Variants in CDC42BPA observed in about 807,000 individuals in gnomAD.
CDC42BPA encodes CDC42 binding protein kinase alpha.
CDC42BPA carries 80 observed loss-of-function variants against 223.5 expected under a neutral mutation model. That is an observed-to-expected ratio of 0.36 (90% CI 0.30 to 0.43). The LOEUF is 0.43. Among genes scored for constraint, CDC42BPA ranks in the 20% least tolerant of loss-of-function variants. The probability of loss-of-function intolerance (pLI) is 1.00; values close to 1 mark genes in which losing one functional copy is unlikely to be tolerated. For missense variants in CDC42BPA, 1,743 were observed against 2,099.9 expected (o/e 0.83, Z 3.32); for synonymous variants, 694 against 718.6 (o/e 0.97, Z 0.55).
chr1:227,133,274 C>T (rs1287133418), intron 10 of CDC42BPA, among the ~76,000 whole-genome samples: 1 of 151,616 alleles, frequency 6.6e-6, no homozygotes, highest in Admixed American at 6.6e-5. Flanking sequence ...CGCCTCTGCC[C>T]GGCCGCCCCT....
chr1:227,124,655 T>C lies in CDC42BPA; in HGVS notation c.1513+4454A>G, dbSNP rs572045704. On this transcript the variant is annotated intron_variant, in intron 11 of 36. Coordinates refer to ENST00000366766, the MANE Select transcript of CDC42BPA (RefSeq NM_001394014.1). ...GGTGATTCAGCATGGCTGGAATCAC[T>C]GGGCAAGGAAGTAGTAACAAGAGAC... is the stretch of plus-strand genomic sequence containing the variant. 4.6e-5 allele frequency among the ~76,000 whole-genome samples: 7 copies of C among 152,194 alleles called. No homozygotes were observed. The South Asian group carries it at 6.2e-4, about 14-fold the overall frequency.
At chr1:227,094,849 T>G (rs1264905376) in intron 15 of CDC42BPA, among the ~76,000 whole-genome samples, 2 of 152,194 alleles carry the variant, frequency 1.3e-5, no homozygotes, top group African/African-American at 4.8e-5. Flanking sequence ...ATAAAGGGTC[T>G]ACTGGCTCAA....
intron 21 of CDC42BPA, 82 bp from the exon 22 acceptor site, chr1:227,052,067 A>G (rs564660554): frequency 2.9e-6 from 2 of 691,828 alleles, no homozygotes; most frequent in Non-Finnish European, 4.8e-6. Context: ...TCTGTAAGGC[A>G]TGATTATGAC....
rs759701869 is a variant in CDC42BPA, at chr1:227,028,854, T to C, written c.4235A>G (p.Asn1412Ser). 13 of 1,613,788 alleles carry C rather than the reference T, an allele frequency of 8.1e-6. No individual in the cohort carries two copies. The highest frequency in any genetic ancestry group is 5.1e-6 in the Non-Finnish European group (6 of 1,179,750). Residue 1412 changes from asparagine to serine, a missense_variant, in exon 30 of 37, where the codon AAT (asparagine) becomes AGT (serine). Around this residue, in one of 6 missense-constraint regions of CDC42BPA, gnomAD observed 678 missense variants for 777.5 expected, o/e 0.87. Transcript: ENST00000366766. The stretch of plus-strand genomic sequence containing the variant: ...ATTTGAATGGAGCATACTGTATGGA[T>C]TTCCTTCTCCATTCAAGGGGTATCT... ...FLRYPLNGEG[N>S]PYSMLHSNDH...
At chr1:227,268,399 A>G (rs1685363496) in intron 1 of CDC42BPA, among the ~76,000 whole-genome samples, 1 of 151,914 alleles carries the variant, frequency 6.6e-6, no homozygotes, top group African/African-American at 2.4e-5. Flanking sequence ...TATTTTTACT[A>G]TAATTTATTA....
Position 227,285,045 on chromosome 1 carries a change from C to T in CDC42BPA, c.179-30890G>A, listed in dbSNP as rs188896688. Among the ~76,000 whole-genome samples the T allele has an allele frequency of 2.4e-4, 37 of 152,006 alleles. No individual in the cohort carries two copies. In the East Asian group the frequency reaches 5.2e-3, roughly 21 times the overall value. On this transcript the variant is annotated intron_variant, in intron 1 of 36. Transcript: ENST00000366766. ...CTCTGGATAGAGAAACATGGTCCAA[C>T]GTTCTCCAGTCTACCCAGCCAGACA...
At chr1:227,040,295 G>A (rs960495189) in intron 23 of CDC42BPA, 59 bp from the exon 24 acceptor site, 16 of 1,010,662 alleles carry the variant, frequency 1.6e-5, no homozygotes, top group Non-Finnish European at 2.3e-5. Context: ...CATAATGTGA[G>A]TCCTTATGCC....
At position 227,277,978 on chromosome 1, in the gene CDC42BPA, T is replaced by C. The variant is rs141340257; in HGVS notation, c.179-23823A>G. ...ATTAGCCAGGATGGTCTCAATCTCC[T>C]GACCTCGTGATCCAGCCACCTCGGC... On this transcript the variant is annotated intron_variant, in intron 1 of 36. Coordinates refer to ENST00000366766, the MANE Select transcript of CDC42BPA (RefSeq NM_001394014.1). 3.5e-3 allele frequency among the ~76,000 whole-genome samples: 539 copies of C among 152,322 alleles called. 3 individuals are homozygous for C. Among genetic ancestry groups the C allele is most frequent in the African/African-American group, 0.012 (499 of 41,570 alleles).
intron 22 of CDC42BPA, among the ~76,000 whole-genome samples, chr1:227,050,599 A>T (rs1673350181): frequency 6.6e-6 from 1 of 152,224 alleles, no homozygotes; most frequent in African/African-American, 2.4e-5. Context: ...TATATGCCAC[A>T]GTTATAATGA....
chr1:227,105,981 TG>T, intron 14 of CDC42BPA, among the ~76,000 whole-genome samples: 1 of 152,346 alleles, frequency 6.6e-6, no homozygotes, highest in East Asian at 1.9e-4. Flanking sequence ...CTGGATCATG[TG>T]GTAGTTCTGT....
chr1:227,164,333 G>C (rs1664635600), intron 5 of CDC42BPA, among the ~76,000 whole-genome samples: 1 of 152,138 alleles, frequency 6.6e-6, no homozygotes, highest in Admixed American at 6.6e-5. Flanking sequence ...TGGGAATCAT[G>C]ATTTTATAGA....
intron 1 of CDC42BPA, among the ~76,000 whole-genome samples, chr1:227,267,409 G>A (rs984209867): frequency 6.6e-6 from 1 of 152,122 alleles, no homozygotes; most frequent in Non-Finnish European, 1.5e-5. Flanking sequence ...TAATGTTTTA[G>A]GAATGTTTGC....
intron 1 of CDC42BPA, among the ~76,000 whole-genome samples, chr1:227,309,250 T>A (rs1693111294): frequency 6.6e-6 from 1 of 151,392 alleles, no homozygotes; most frequent in Non-Finnish European, 1.5e-5. Flanking sequence ...TTTATTCCCC[T>A]ATATGCTGTC....
At chr1:227,126,300 T>C (rs1199682572) in intron 11 of CDC42BPA, among the ~76,000 whole-genome samples, 2 of 152,118 alleles carry the variant, frequency 1.3e-5, no homozygotes, top group Non-Finnish European at 2.9e-5. Context: ...CACATCGAGG[T>C]TGTCATTGAC....
intron 1 of CDC42BPA, among the ~76,000 whole-genome samples, chr1:227,285,533 C>A (rs1382741872): frequency 6.6e-6 from 1 of 152,190 alleles, no homozygotes; most frequent in Non-Finnish European, 1.5e-5. Flanking sequence ...AGGCCAAAAC[C>A]AAGCCAGGTA....
chr1:227,179,635 C>CAAAAAAAAAAAAAAAAAAAAAA (rs59744442), intron 5 of CDC42BPA, among the ~76,000 whole-genome samples: 1 of 34,242 alleles, frequency 2.9e-5, no homozygotes. Flanking sequence ...GCCTCCATCT[C>CAAAAAAAAAAAAAAAAAAAAAA]AAAAAAAAAA....
intron 1 of CDC42BPA, among the ~76,000 whole-genome samples, chr1:227,261,696 CT>C (rs946149521): frequency 6.6e-6 from 1 of 152,128 alleles, no homozygotes; most frequent in Non-Finnish European, 1.5e-5. Flanking sequence ...TAACAGGTGC[CT>C]GTTAGGGATC....
chr1:227,195,516 T>G (rs1441412157), intron 4 of CDC42BPA, among the ~76,000 whole-genome samples: 1 of 152,118 alleles, frequency 6.6e-6, no homozygotes, highest in East Asian at 1.9e-4. Flanking sequence ...AATTTACTTT[T>G]GATTAAAGTG....
At chr1:227,208,243 T>C (rs541216038) in intron 3 of CDC42BPA, among the ~76,000 whole-genome samples, 4 of 151,708 alleles carry the variant, frequency 2.6e-5, no homozygotes, top group South Asian at 4.2e-4. Context: ...TTTGAGTTCA[T>C]TGTAGATTCT....
Sources: allele counts gnomAD v4.1 joint callset (sites outside exome capture counted in the v4.1 genomes callset), GRCh38; gene constraint gnomAD v4.1.1; regional missense constraint gnomAD v4.1.1; transcripts MANE v1.5; gene names NCBI Gene and HGNC (gene_info 2026-07-23, HGNC 2026-07-21).